Variants in RTN4RL1 observed in about 807,000 individuals in gnomAD.
RTN4RL1 encodes the protein reticulon-4 receptor-like 1.
A neutral mutation model predicts 25.6 loss-of-function variants in RTN4RL1; 7 were observed. The ratio of observed to expected loss-of-function variants is 0.27; its 90% CI spans 0.16 to 0.51. RTN4RL1 has a LOEUF of 0.51. Among genes scored for constraint, RTN4RL1 ranks in the 20% least tolerant of loss-of-function variants. The pLI, the probability that RTN4RL1 is intolerant of heterozygous loss-of-function variation, is 0.97. For missense variants in RTN4RL1, 500 were observed against 615.6 expected (o/e 0.81, Z 1.99); for synonymous variants, 297 against 288.2 (o/e 1.03, Z -0.31).
At chr17:2,018,244 A>T (rs1485454298) in intron 1 of RTN4RL1, 1 of 152,350 alleles carries the variant, frequency 6.6e-6, no homozygotes, top group Non-Finnish European at 1.5e-5. Context: ...TGAGATCCCA[A>T]GCAGAGCACA....
intron 1 of RTN4RL1, among the ~76,000 whole-genome samples, chr17:1,987,476 C>T (rs1310880009): frequency 3.3e-5 from 5 of 152,138 alleles, no homozygotes; most frequent in African/African-American, 9.7e-5. Flanking sequence ...GGAGAAACCA[C>T]GTCCGGAGAC....
chr17:1,980,766 A>G (rs1160143427), intron 1 of RTN4RL1, among the ~76,000 whole-genome samples: 1 of 151,530 alleles, frequency 6.6e-6, no homozygotes, highest in Non-Finnish European at 1.5e-5. Flanking sequence ...CGTCTCTACT[A>G]AAAATACACA....
At chr17:1,999,289 T>A (rs1284981804) in intron 1 of RTN4RL1, among the ~76,000 whole-genome samples, 2 of 151,044 alleles carry the variant, frequency 1.3e-5, no homozygotes, top group Admixed American at 1.3e-4. Flanking sequence ...CTACCAAGAA[T>A]ACAAAAATTA....
At chr17:1,999,235 C>G (rs1035392760) in intron 1 of RTN4RL1, among the ~76,000 whole-genome samples, 1 of 151,580 alleles carries the variant, frequency 6.6e-6, no homozygotes, top group African/African-American at 2.4e-5. Context: ...ATCACGAGAT[C>G]AAGAGTTGGA....
chr17:1,993,141 G>A (rs1008573919), intron 1 of RTN4RL1, among the ~76,000 whole-genome samples: 7 of 152,134 alleles, frequency 4.6e-5, no homozygotes, highest in African/African-American at 9.7e-5. Context: ...CCAGCTATTC[G>A]GGAGGCTGAG....
At chr17:1,997,854 C>T (rs997535695) in intron 1 of RTN4RL1, among the ~76,000 whole-genome samples, 4 of 152,224 alleles carry the variant, frequency 2.6e-5, no homozygotes, top group African/African-American at 9.6e-5. Flanking sequence ...CCCCGCAGAC[C>T]CCCGACCCCA....
chr17:1,994,578 C>T lies in RTN4RL1; in HGVS notation c.13+30275G>A, dbSNP rs2066922002. Among the ~76,000 whole-genome samples, 1 of 152,200 alleles carries T rather than the reference C, an allele frequency of 6.6e-6. No individual in the cohort carries two copies. Among genetic ancestry groups the T allele is most frequent in the South Asian group, 2.1e-4 (1 of 4,828 alleles). ...AATTTGGGAGAAGGTCCTGCCACTA[C>T]CTAACTTCACAGAAGGCAGAGGACA... On this transcript the variant is annotated intron_variant, in intron 1 of 1. Transcript: ENST00000331238. The surrounding 1 kb of genome is among the most constrained non-coding windows in gnomAD (Gnocchi z 4.3).
At chr17:1,972,610 G>T (rs114375501) in intron 1 of RTN4RL1, among the ~76,000 whole-genome samples, 5 of 151,998 alleles carry the variant, frequency 3.3e-5, no homozygotes, top group Non-Finnish European at 7.4e-5. Context: ...AGATTTCCTC[G>T]ACCCTAGCCT....
chr17:2,007,297 A>G (rs556542107), intron 1 of RTN4RL1, among the ~76,000 whole-genome samples: 5 of 150,420 alleles, frequency 3.3e-5, no homozygotes, highest in African/African-American at 1.2e-4. Flanking sequence ...GATCACCCAC[A>G]GTCGGCTGCA....
chr17:2,024,253 A>G (rs2067246294), intron 1 of RTN4RL1, among the ~76,000 whole-genome samples: 1 of 152,182 alleles, frequency 6.6e-6, no homozygotes, highest in South Asian at 2.1e-4. Context: ...CTCCGCTCCC[A>G]GCATAATGAA....
rs954167821 is a variant in RTN4RL1, at chr17:1,988,539, G to C, written c.13+36314C>G. Among the ~76,000 whole-genome samples, 74 of 138,166 alleles carry C rather than the reference G, an allele frequency of 5.4e-4. 1 individual carries two copies. The highest frequency in any genetic ancestry group is 1.1e-3 in the Non-Finnish European group (67 of 63,418). 90.6% of individuals were successfully genotyped at this position (138,166 alleles called of 152,430 possible). A position where few individuals can be genotyped will look rare whatever the true frequency, so the allele number is the denominator to read the frequency against. ...AAAAAAAAAGAAAAGAAAAGAAAAA[G>C]AAAGAATTAAGTCCTCAATGATGGA... On this transcript the variant is annotated intron_variant, in intron 1 of 1. Coordinates refer to ENST00000331238, the MANE Select transcript of RTN4RL1 (RefSeq NM_178568.4).
At chr17:1,955,162 C>A (rs562390503) in intron 1 of RTN4RL1, among the ~76,000 whole-genome samples, 1 of 152,286 alleles carries the variant, frequency 6.6e-6, no homozygotes, top group African/African-American at 2.4e-5. Flanking sequence ...GAGGTTGAGC[C>A]CAGGTAGCAT....
intron 1 of RTN4RL1, among the ~76,000 whole-genome samples, chr17:1,987,903 C>T (rs535344704): frequency 1.3e-5 from 2 of 150,732 alleles, no homozygotes; most frequent in East Asian, 2.0e-4. Flanking sequence ...GTCAGGATTT[C>T]AAGACCATCA....
intron 1 of RTN4RL1, among the ~76,000 whole-genome samples, chr17:2,008,279 A>C (rs1383517940): frequency 6.6e-6 from 1 of 152,106 alleles, no homozygotes. Context: ...CAAAAAAAAA[A>C]AAAAGACCAC....
Position 1,953,574 on chromosome 17 carries a change from A to T in RTN4RL1, c.14-15766T>A, listed in dbSNP as rs112142559. ...TAAAAAAAATTGAATTAAAAAAAAA[A>T]TTTTTTTTTGAGACAGAGTCTCACT... On this transcript the variant is annotated intron_variant, in intron 1 of 1. Transcript: ENST00000331238. 4.0e-3 allele frequency among the ~76,000 whole-genome samples: 404 copies of T among 101,524 alleles called. 1 individual carries two copies. Among genetic ancestry groups the T allele is most frequent in the African/African-American group, 0.013 (374 of 28,958 alleles). The allele number at this position is 101,524 out of a possible 152,430, so 66.6% of individuals were successfully genotyped here. A position where few individuals can be genotyped will look rare whatever the true frequency, so the allele number is the denominator to read the frequency against.
chr17:2,020,123 G>A (rs1307419240), intron 1 of RTN4RL1: 2 of 152,152 alleles, frequency 1.3e-5, no homozygotes, highest in Admixed American at 1.3e-4. Context: ...TGGTGAGATT[G>A]GTTCCACCAG....
intron 1 of RTN4RL1, among the ~76,000 whole-genome samples, chr17:1,950,819 C>T (rs962388316): frequency 2.4e-5 from 3 of 125,364 alleles, no homozygotes; most frequent in African/African-American, 9.5e-5. Flanking sequence ...GCACTCCAAC[C>T]TGGGCGACAG....
chr17:1,980,054 A>G (rs777094041), intron 1 of RTN4RL1, among the ~76,000 whole-genome samples: 2 of 151,502 alleles, frequency 1.3e-5, no homozygotes, highest in Non-Finnish European at 1.5e-5. Flanking sequence ...GCTCAGATAT[A>G]TTTTTTCTTT....
chr17:1,996,154 T>C (rs969522072), intron 1 of RTN4RL1, among the ~76,000 whole-genome samples: 1 of 152,222 alleles, frequency 6.6e-6, no homozygotes, highest in African/African-American at 2.4e-5. Flanking sequence ...CTGCCTTCCA[T>C]GTGCCTTTTG....
Sources: allele counts gnomAD v4.1 joint callset (sites outside exome capture counted in the v4.1 genomes callset), GRCh38; gene constraint gnomAD v4.1.1; non-coding constraint Gnocchi (gnomAD v3.1); transcripts MANE v1.5; gene names NCBI Gene and HGNC (gene_info 2026-07-23, HGNC 2026-07-21).